Variants in EBF1 observed in about 807,000 individuals in gnomAD.
EBF1 encodes the protein EBF transcription factor 1, also known as transcription factor COE1.
A neutral mutation model predicts 68.4 loss-of-function variants in EBF1; 10 were observed. That is an observed-to-expected ratio of 0.15 (90% CI 0.09 to 0.25). The LOEUF (loss-of-function observed/expected upper bound fraction) is 0.25, where lower values mean the gene tolerates loss of function less well. Among genes scored for constraint, EBF1 ranks in the 10% least tolerant of loss-of-function variants. The pLI is 1.00. For missense variants in EBF1, 509 were observed against 794.4 expected (o/e 0.64, Z 4.32); for synonymous variants, 298 against 299.8 (o/e 0.99, Z 0.06).
intron 6 of EBF1, among the ~76,000 whole-genome samples, chr5:158,893,133 A>T (rs1197397048): frequency 1.3e-5 from 2 of 152,244 alleles, no homozygotes; most frequent in Non-Finnish European, 2.9e-5. Context: ...TCCACATGTC[A>T]AAATGTAATA....
chr5:158,856,637 T>G (rs187683140), intron 6 of EBF1, among the ~76,000 whole-genome samples: 88 of 152,240 alleles, frequency 5.8e-4, no homozygotes, highest in Non-Finnish European at 8.4e-4. Flanking sequence ...CTACATTTAG[T>G]ACATTTTTTT....
intron 5 of EBF1, among the ~76,000 whole-genome samples, chr5:159,077,715 ATTTTATTTT>A (rs1779024417): frequency 8.6e-6 from 1 of 115,882 alleles, no homozygotes; most frequent in South Asian, 2.8e-4. Flanking sequence ...GAAGACGTGC[ATTTTATTTT>A]TATATTTTTG....
At chr5:158,936,808 G>T (rs367601495) in intron 6 of EBF1, among the ~76,000 whole-genome samples, 1 of 152,162 alleles carries the variant, frequency 6.6e-6, no homozygotes, top group African/African-American at 2.4e-5. Flanking sequence ...ATAGTATCAC[G>T]AACAGAGTAG....
At chr5:158,949,261 T>C (rs542535216) in intron 6 of EBF1, among the ~76,000 whole-genome samples, 1 of 152,332 alleles carries the variant, frequency 6.6e-6, no homozygotes, top group Non-Finnish European at 1.5e-5. Context: ...TTGAGCAGAT[T>C]TAATTTTCGA....
intron 6 of EBF1, among the ~76,000 whole-genome samples, chr5:158,872,280 T>A (rs148666394): frequency 1.2e-4 from 18 of 151,936 alleles, no homozygotes; most frequent in Middle Eastern, 3.4e-3. Flanking sequence ...CACTGCAACC[T>A]CTGCCTCCTG....
At chr5:158,732,102 G>A (rs1764209339) in intron 10 of EBF1, among the ~76,000 whole-genome samples, 1 of 152,248 alleles carries the variant, frequency 6.6e-6, no homozygotes, top group East Asian at 1.9e-4. Flanking sequence ...TATTCTCTAA[G>A]TAAGGGGTAG....
intron 8 of EBF1, among the ~76,000 whole-genome samples, chr5:158,817,500 T>C (rs1239636790): frequency 6.6e-6 from 1 of 152,162 alleles, no homozygotes; most frequent in Non-Finnish European, 1.5e-5. Flanking sequence ...AATAGGATGA[T>C]GCAGCCTGGA....
intron 6 of EBF1, among the ~76,000 whole-genome samples, chr5:158,955,403 C>T (rs963296714): frequency 5.3e-5 from 8 of 152,098 alleles, no homozygotes; most frequent in Admixed American, 5.2e-4. Context: ...TAAAAAACAG[C>T]AGACGCAGGA....
chr5:158,904,904 T>C (rs1200173737), intron 6 of EBF1, among the ~76,000 whole-genome samples: 1 of 152,202 alleles, frequency 6.6e-6, no homozygotes, highest in Middle Eastern at 3.2e-3. Flanking sequence ...TTCTCCAGCA[T>C]TAAGACAACA....
chr5:158,974,524 G>C (rs1756321518), intron 6 of EBF1, among the ~76,000 whole-genome samples: 1 of 152,124 alleles, frequency 6.6e-6, no homozygotes, highest in Non-Finnish European at 1.5e-5. Context: ...TCGAGATGGA[G>C]TTTTCTTTTT....
intron 6 of EBF1, among the ~76,000 whole-genome samples, chr5:159,005,128 C>G (rs913536369): frequency 6.6e-6 from 1 of 152,154 alleles, no homozygotes; most frequent in African/African-American, 2.4e-5. Context: ...GACATTCATC[C>G]AGAACATCCC....
At chr5:158,747,156 A>G (rs147981404) in intron 10 of EBF1, among the ~76,000 whole-genome samples, 29 of 152,328 alleles carry the variant, frequency 1.9e-4, no homozygotes, top group Non-Finnish European at 3.4e-4. Context: ...CCAGTGTAAG[A>G]TCAACAGCTA....
At chr5:158,948,024 A>G (rs1815175376) in intron 6 of EBF1, among the ~76,000 whole-genome samples, 1 of 152,264 alleles carries the variant, frequency 6.6e-6, no homozygotes, top group Admixed American at 6.5e-5. Flanking sequence ...CTTTTAAGAC[A>G]TGAATCCCCC....
intron 6 of EBF1, among the ~76,000 whole-genome samples, chr5:158,846,504 A>G (rs978738387): frequency 3.3e-5 from 5 of 152,186 alleles, no homozygotes; most frequent in Non-Finnish European, 5.9e-5. Flanking sequence ...CTTTATCCGA[A>G]GGTCATCACT....
chr5:159,090,352 C>T (rs1214747391), intron 4 of EBF1, among the ~76,000 whole-genome samples: 1 of 151,650 alleles, frequency 6.6e-6, no homozygotes, highest in Non-Finnish European at 1.5e-5. Flanking sequence ...GGAAACACTA[C>T]AAATCTGACA....
chr5:159,035,159 G>A (rs1047566802), intron 6 of EBF1, among the ~76,000 whole-genome samples: 5 of 152,014 alleles, frequency 3.3e-5, no homozygotes, highest in Admixed American at 2.0e-4. Context: ...GAGAACCAAG[G>A]CAGCTGAGTT....
At chr5:158,900,184 T>C (rs992618331) in intron 6 of EBF1, among the ~76,000 whole-genome samples, 1 of 152,218 alleles carries the variant, frequency 6.6e-6, no homozygotes, top group Non-Finnish European at 1.5e-5. Context: ...TCTAAGAAGA[T>C]GTTCTTGTGT....
chr5:158,921,237 T>A (rs1808364048), intron 6 of EBF1, among the ~76,000 whole-genome samples: 1 of 152,190 alleles, frequency 6.6e-6, no homozygotes. Flanking sequence ...CCTTAATCCT[T>A]AACAGGACAG....
chr5:158,989,311 A>G (rs1424489709), intron 6 of EBF1, among the ~76,000 whole-genome samples: 1 of 152,220 alleles, frequency 6.6e-6, no homozygotes, highest in African/African-American at 2.4e-5. Context: ...TTTTTAACAC[A>G]ATGCACAGTC....
Sources: allele counts gnomAD v4.1 joint callset (sites outside exome capture counted in the v4.1 genomes callset), GRCh38; gene constraint gnomAD v4.1.1; transcripts MANE v1.5; gene names NCBI Gene and HGNC (gene_info 2026-07-23, HGNC 2026-07-21).